The following TRDMT1 variants were observed in gnomAD, a reference collection of about 807,000 sequenced individuals.
The protein encoded by TRDMT1 is tRNA aspartic acid methyltransferase 1, also known as tRNA (cytosine(38)-C(5))-methyltransferase.
In TRDMT1, 49 loss-of-function variants were observed where a neutral mutation model predicts 51.2. That is an observed-to-expected ratio of 0.96 (90% confidence interval 0.76 to 1.21). The LOEUF (loss-of-function observed/expected upper bound fraction) is 1.21. TRDMT1 is among the 50% of genes most tolerant of loss of function. The pLI is 0.00. For synonymous variants in TRDMT1, 187 were observed against 164.6 expected (o/e 1.14, Z -1.04); for missense variants, 534 against 462.3 (o/e 1.16, Z -1.42).
chr10:17,177,736 A>ACACG (rs1842788001), intron 1 of TRDMT1, among the ~76,000 whole-genome samples: 1 of 151,840 alleles, frequency 6.6e-6, no homozygotes, highest in Non-Finnish European at 1.5e-5. Context: ...ACACACACAC[A>ACACG]CACACACACA....
chr10:17,179,620 G>A (rs1843027624), intron 1 of TRDMT1, among the ~76,000 whole-genome samples: 1 of 151,804 alleles, frequency 6.6e-6, no homozygotes, highest in Non-Finnish European at 1.5e-5. Flanking sequence ...AATTAGACCA[G>A]TGACAAAAGC....
In TRDMT1 at chr10:17,201,149, G is replaced by T. The variant is rs112730294; in HGVS notation, c.64+422C>A. On this transcript the variant is annotated intron_variant, in intron 1 of 10. Coordinates refer to ENST00000377799, the MANE Select transcript of TRDMT1 (RefSeq NM_004412.7). Reference sequence around the variant, plus strand: ...TTCCAAGATCCATCTCTCACCAGGGGAGCCCCTGACACTCCCTCCCTCCCC... The same window carrying T: ...TTCCAAGATCCATCTCTCACCAGGGTAGCCCCTGACACTCCCTCCCTCCCC... 7.7e-3 allele frequency: 1,346 copies of T among 173,918 alleles called. 22 individuals are homozygous for T. Among genetic ancestry groups the T allele is most frequent in the African/African-American group, 0.03 (1,241 of 42,030 alleles). 10.8% of individuals were successfully genotyped at this position (173,918 alleles called of 1,614,324 possible). A position where few individuals can be genotyped will look rare whatever the true frequency, so the allele number is the denominator to read the frequency against.
Position 17,174,460 on chromosome 10 carries a change from C to G in TRDMT1, c.174+91G>C, listed in dbSNP as rs573192979. On this transcript the variant is annotated intron_variant, in intron 2 of 10. Coordinates refer to ENST00000377799, the MANE Select transcript of TRDMT1 (RefSeq NM_004412.7). ...CTTAAATTTATATATGCTTTATCTTCCAATTAAGACAACGGAAACCAGTAT... is the reference window on the plus strand; with the variant it reads ...CTTAAATTTATATATGCTTTATCTTGCAATTAAGACAACGGAAACCAGTAT... The G allele has an allele frequency of 5.3e-5, 42 of 798,432 alleles. No homozygotes were observed. In the South Asian group the frequency reaches 7.2e-4, roughly 14 times the overall value. The allele number at this position is 798,432 out of a possible 1,614,324, so 49.5% of individuals were successfully genotyped here.
intron 9 of TRDMT1, among the ~76,000 whole-genome samples, chr10:17,153,971 CAA>C (rs1268029788): frequency 6.6e-6 from 1 of 152,038 alleles, no homozygotes; most frequent in Non-Finnish European, 1.5e-5. Flanking sequence ...GACAAAACAA[CAA>C]AGTCAATTTT....
At chr10:17,167,155 C>A (rs1485668175) in intron 3 of TRDMT1, among the ~76,000 whole-genome samples, 1 of 152,182 alleles carries the variant, frequency 6.6e-6, no homozygotes, top group Non-Finnish European at 1.5e-5. Context: ...AGGACAGGAA[C>A]TACAGCATCA....
intron 1 of TRDMT1, among the ~76,000 whole-genome samples, chr10:17,200,355 TAG>T (rs1321214262): frequency 6.6e-6 from 1 of 152,210 alleles, no homozygotes; most frequent in Non-Finnish European, 1.5e-5. Context: ...TAAATAGTAC[TAG>T]AGTTTTGCTT....
At chr10:17,175,923 T>A (rs1219295414) in intron 1 of TRDMT1, among the ~76,000 whole-genome samples, 2 of 152,124 alleles carry the variant, frequency 1.3e-5, no homozygotes, top group Admixed American at 1.3e-4. Flanking sequence ...AAAAGTAAGA[T>A]CCCCTGCGTG....
chr10:17,181,214 G>C (rs1207682938), intron 1 of TRDMT1, among the ~76,000 whole-genome samples: 1 of 152,202 alleles, frequency 6.6e-6, no homozygotes, highest in Non-Finnish European at 1.5e-5. Flanking sequence ...AAGGAAGAGA[G>C]TGGTAGTTCC....
chr10:17,198,084 A>C (rs922142204), intron 1 of TRDMT1, among the ~76,000 whole-genome samples: 6 of 152,190 alleles, frequency 3.9e-5, no homozygotes, highest in African/African-American at 1.4e-4. Context: ...TTTAGTTATT[A>C]AGAAAATGCA....
chr10:17,138,482 T>G lies in TRDMT1; in HGVS notation c.*10558A>C, dbSNP rs1837488188. ...ATCAAGGTACATTTAAAACTATTCT[T>G]TTGCTCATTTCATGGGAAGTGCATT... On this transcript the variant is annotated 3_prime_UTR_variant, in exon 11 of 11. Transcript: ENST00000377799. 6.6e-6 allele frequency among the ~76,000 whole-genome samples: 1 copy of G among 152,208 alleles called. No individual in the cohort carries two copies. Among genetic ancestry groups the G allele is most frequent in the South Asian group, 2.1e-4 (1 of 4,834 alleles).
chr10:17,143,486 G>C lies in TRDMT1; in HGVS notation c.*5554C>G. On this transcript the variant is annotated 3_prime_UTR_variant, in exon 11 of 11. Transcript: ENST00000377799. ...TATCACATTCCATTCAGTGTTTTCA[G>C]TCATTTTTTTCACATGTGAAATTTA... 6 of 985,358 alleles carry C rather than the reference G, an allele frequency of 6.1e-6. No homozygotes were observed. Among genetic ancestry groups the C allele is most frequent in the Non-Finnish European group, 7.2e-6 (6 of 829,920 alleles). The allele number at this position is 985,358 out of a possible 1,614,324, so 61.0% of individuals were successfully genotyped here. A position where few individuals can be genotyped will look rare whatever the true frequency, so the allele number is the denominator to read the frequency against.
At chr10:17,162,945 T>C (rs10904893) in intron 3 of TRDMT1, among the ~76,000 whole-genome samples, 65,779 of 152,002 alleles carry the variant, frequency 0.43, 15,383 homozygotes, top group South Asian at 0.56. Flanking sequence ...CACACACACA[T>C]GTGCTGGCTG....
chr10:17,165,535 A>C (rs1254206083), intron 3 of TRDMT1, among the ~76,000 whole-genome samples: 10 of 152,206 alleles, frequency 6.6e-5, no homozygotes, highest in Admixed American at 1.3e-4. Context: ...TAATTAAACT[A>C]AAGAGCTTCT....
At chr10:17,174,361 T>C (rs1588604935) in intron 2 of TRDMT1, among the ~76,000 whole-genome samples, 190 bp downstream of exon 2, 2 of 152,256 alleles carry the variant, frequency 1.3e-5, no homozygotes, top group Admixed American at 6.5e-5. Context: ...TCTCCCTGTC[T>C]ATAGCTGGAC....
In TRDMT1 at chr10:17,168,822, A is replaced by G; in HGVS notation, c.251+19T>C. The G allele has an allele frequency of 1.3e-6, 2 of 1,563,716 alleles. No homozygotes were observed. The highest frequency in any genetic ancestry group is 1.8e-6 in the Non-Finnish European group (2 of 1,138,910). ...ATGAAAATGGACCAATACAACACTG[A>G]AATATTTATGACACATACCTTGTGA... On this transcript the variant is annotated intron_variant, in intron 3 of 10. Coordinates refer to ENST00000377799, the MANE Select transcript of TRDMT1 (RefSeq NM_004412.7).
At chr10:17,159,854 T>C (rs2131420971) in intron 6 of TRDMT1, among the ~76,000 whole-genome samples, 1 of 152,318 alleles carries the variant, frequency 6.6e-6, no homozygotes, top group South Asian at 2.1e-4. Context: ...CATGATCAAT[T>C]ACTTAAATTT....
chr10:17,146,711 C>A lies in TRDMT1; in HGVS notation c.*2329G>T. The A allele has an allele frequency of 1.0e-6, 1 of 985,414 alleles. No homozygotes were observed. The highest frequency in any genetic ancestry group is 1.2e-6 in the Non-Finnish European group (1 of 829,942). 61.0% of individuals were successfully genotyped at this position (985,414 alleles called of 1,614,324 possible). On this transcript the variant is annotated 3_prime_UTR_variant, in exon 11 of 11. Transcript: ENST00000377799. ...GAAAATGAGAAGCTATGTTTTCCAA[C>A]ATCTGAATAAATGTACAAGTCCAAA...
chr10:17,173,605 T>A (rs895711236), intron 2 of TRDMT1, among the ~76,000 whole-genome samples: 1 of 152,142 alleles, frequency 6.6e-6, no homozygotes, highest in East Asian at 1.9e-4. Context: ...TAAGTCTTGA[T>A]TGTGGTGGTA....
chr10:17,153,425 G>GCAAGACCTAGACACA, intron 10 of TRDMT1, 82 bp downstream of exon 10: 1 of 1,513,248 alleles, frequency 6.6e-7, no homozygotes, highest in Non-Finnish European at 9.0e-7. Context: ...ATTTGTTTAG[G>GCAAGACCTAGACACA]CAAGTCCTAG....
Sources: gnomAD v4.1 joint callset for allele counts (sites outside exome capture counted in the v4.1 genomes callset) on GRCh38, gnomAD v4.1.1 for gene constraint, MANE v1.5 for transcripts, NCBI Gene and HGNC (gene_info 2026-07-23, HGNC 2026-07-21) for gene names.